SUB1: variants seen among roughly 807,000 people sequenced by gnomAD.
The protein encoded by SUB1 is activated RNA polymerase II transcriptional coactivator p15.
A neutral mutation model predicts 16.9 loss-of-function variants in SUB1; 1 was observed. That is an observed-to-expected ratio of 0.06 (90% CI 0.02 to 0.28). The LOEUF (loss-of-function observed/expected upper bound fraction) is 0.28. Ranked by LOEUF, SUB1 falls within the 10% of genes least tolerant of loss-of-function variation. The probability of loss-of-function intolerance (pLI) is 1.00; values close to 1 mark genes in which losing one functional copy is unlikely to be tolerated. For missense variants in SUB1, 84 were observed against 145.2 expected, an observed-to-expected ratio of 0.58 and a Z score of 2.16; for synonymous variants, 51 against 46.9, an observed-to-expected ratio of 1.09 and a Z score of -0.36.
intron 1 of SUB1, 73 bp from the exon 2 acceptor site, chr5:32,588,439 T>G (rs1738729628): frequency 7.4e-7 from 1 of 1,349,186 alleles, no homozygotes; most frequent in African/African-American, 1.5e-5. Context: ...TTTTTTTCTT[T>G]GATTGGGGGA....
chr5:32,599,171 G>T (rs1050340145), intron 4 of SUB1, 102 bp downstream of exon 4: 6 of 783,826 alleles, frequency 7.7e-6, no homozygotes, highest in East Asian at 5.4e-5. Flanking sequence ...GGGCAAGGAA[G>T]AGTCTTACTC....
rs565744325 is a variant in SUB1 at position 32,599,156 on chromosome 5, A to G, written c.304+87A>G. The G allele has an allele frequency of 7.5e-4, 683 of 907,186 alleles. 1 individual carries two copies. The highest frequency in any genetic ancestry group is 1.0e-3 in the Non-Finnish European group (579 of 567,410). The allele number at this position is 907,186 out of a possible 1,614,324, so 56.2% of individuals were successfully genotyped here. ...AGCTTACTTGAAATGTTGGCAGGAC[A>G]CACGGGGCAAGGAAGAGTCTTACTC... On this transcript the variant is annotated intron_variant, in intron 4 of 4. Coordinates refer to ENST00000265073, the MANE Select transcript of SUB1 (RefSeq NM_006713.4).
intron 1 of SUB1, among the ~76,000 whole-genome samples, chr5:32,587,130 C>G (rs953485949): frequency 6.6e-6 from 1 of 152,092 alleles, no homozygotes; most frequent in African/African-American, 2.4e-5. Flanking sequence ...GAACGCTAAG[C>G]ATGTGGGAGT....
Position 32,601,216 on chromosome 5 carries a change from A to G in SUB1, c.*132A>G, listed in dbSNP as rs1180737763. ...TTGCAGAAGAATTTGTAAGATGAAT[A>G]CTTTTTTTTAATGTGCATTATTAAA... On this transcript the variant is annotated 3_prime_UTR_variant, in exon 5 of 5. Transcript: ENST00000265073. 2.9e-6 allele frequency: 2 copies of G among 695,030 alleles called. No individual in the cohort carries two copies. Among genetic ancestry groups the G allele is most frequent in the Non-Finnish European group, 4.8e-6 (2 of 419,764 alleles). The allele number at this position is 695,030 out of a possible 1,614,324, so 43.1% of individuals were successfully genotyped here. A position where few individuals can be genotyped will look rare whatever the true frequency, so the allele number is the denominator to read the frequency against.
chr5:32,594,624 T>A (rs959199771), intron 3 of SUB1: 1 of 454,776 alleles, frequency 2.2e-6, no homozygotes, highest in Non-Finnish European at 4.4e-6. Context: ...AGGTGAGCGG[T>A]GTGTGAGTGA....
intron 2 of SUB1, among the ~76,000 whole-genome samples, chr5:32,591,060 C>T (rs536892725): frequency 7.2e-5 from 11 of 152,004 alleles, no homozygotes; most frequent in East Asian, 1.9e-4. Flanking sequence ...TGAGCTACCG[C>T]GCCCGGCCCA....
At chr5:32,586,142 C>T (rs920089490) in intron 1 of SUB1, 9 of 152,290 alleles carry the variant, frequency 5.9e-5, no homozygotes, top group Non-Finnish European at 1.3e-4. Flanking sequence ...AATCCCGCCC[C>T]TTCCCACGCC....
chr5:32,591,357 T>C (rs1738820491), intron 2 of SUB1: 2 of 581,840 alleles, frequency 3.4e-6, no homozygotes, highest in Non-Finnish European at 5.1e-6. Flanking sequence ...TTTGGGATCC[T>C]GAGAACAGAG....
In SUB1 at chr5:32,602,863, T is replaced by C. The variant is rs1027834433; in HGVS notation, c.*1779T>C. 1 of 152,118 alleles carries C rather than the reference T, an allele frequency of 6.6e-6. No homozygotes were observed. The highest frequency in any genetic ancestry group is 2.4e-5 in the African/African-American group (1 of 41,440). 9.4% of individuals were successfully genotyped at this position (152,118 alleles called of 1,614,324 possible). On this transcript the variant is annotated 3_prime_UTR_variant, in exon 5 of 5. Transcript: ENST00000265073. ...CATGCTTGATTGGTAACTTCCCTCC[T>C]TTTTTGGGGAACATGTTTGTGTCCT...
chr5:32,585,886 C>T (rs887276728), intron 1 of SUB1: 3 of 152,824 alleles, frequency 2.0e-5, no homozygotes, highest in Non-Finnish European at 4.4e-5. Context: ...CGGCCCGGGG[C>T]GGTAGATTGA....
chr5:32,598,124 C>T (rs370316124), intron 3 of SUB1: 1 of 151,608 alleles, frequency 6.6e-6, no homozygotes, highest in Non-Finnish European at 1.5e-5. Context: ...TGCTGTGTTG[C>T]CCAGATTGGA....
Position 32,602,645 on chromosome 5 carries a change from T to C in SUB1, c.*1561T>C, listed in dbSNP as rs1443798994. On this transcript the variant is annotated 3_prime_UTR_variant, in exon 5 of 5. Coordinates refer to ENST00000265073, the MANE Select transcript of SUB1 (RefSeq NM_006713.4). ...TTTTCTATCAGCTATTCTGTTGTAT[T>C]TCTAAAACATTTTTTAGATGACTTT... The C allele has an allele frequency of 6.3e-6, 1 of 158,444 alleles. No homozygotes were observed. Among genetic ancestry groups the C allele is most frequent in the Non-Finnish European group, 1.4e-5 (1 of 71,596 alleles). The allele number at this position is 158,444 out of a possible 1,614,324, so 9.8% of individuals were successfully genotyped here.
chr5:32,594,686 C>T (rs542293955), intron 3 of SUB1: 1 of 434,996 alleles, frequency 2.3e-6, no homozygotes, highest in Non-Finnish European at 4.6e-6. Flanking sequence ...GCATTAGATT[C>T]TCATAGGAGC....
In SUB1 at chr5:32,599,700, GT is replaced by G. The variant is rs760992493; in HGVS notation, c.304+644del. ...AGGTACCACTTGTTTGCTTCATGCAGTTTTTTTTTTTTTGGTTAAACTCAGC... is the reference window on the plus strand; with the variant it reads ...AGGTACCACTTGTTTGCTTCATGCAGTTTTTTTTTTTTGGTTAAACTCAGC... On this transcript the variant is annotated intron_variant, in intron 4 of 4. Transcript: ENST00000265073. Among the ~76,000 whole-genome samples, 665 of 142,954 alleles carry G rather than the reference GT, an allele frequency of 4.7e-3. 4 individuals are homozygous for G. The highest frequency in any genetic ancestry group is 0.014 in the African/African-American group (532 of 39,240). The allele number at this position is 142,954 out of a possible 152,430, so 93.8% of individuals were successfully genotyped here. A position where few individuals can be genotyped will look rare whatever the true frequency, so the allele number is the denominator to read the frequency against.
chr5:32,598,765 C>T, intron 3 of SUB1, 196 bp from the exon 4 acceptor site: 3 of 391,820 alleles, frequency 7.7e-6, no homozygotes, highest in Non-Finnish European at 1.4e-5. Context: ...AAAAATTTTT[C>T]CAGTATATTT....
chr5:32,593,327 C>G (rs548184400), intron 3 of SUB1, among the ~76,000 whole-genome samples: 1 of 152,034 alleles, frequency 6.6e-6, no homozygotes, highest in Admixed American at 6.5e-5. Context: ...ATTTATATGA[C>G]TAGAAAGTAA....
chr5:32,588,448 G>C lies in SUB1; in HGVS notation c.-1-64G>C, dbSNP rs548446506. The C allele has an allele frequency of 3.1e-5, 44 of 1,411,374 alleles. 1 individual carries two copies. The South Asian group carries it at 5.6e-4, about 18-fold the overall frequency. The allele number at this position is 1,411,374 out of a possible 1,614,324, so 87.4% of individuals were successfully genotyped here. On this transcript the variant is annotated intron_variant, in intron 1 of 4. Transcript: ENST00000265073. ...CCTTGATTTTTTTCTTTGATTGGGG[G>C]AGAGCTAAGTTGAAAGTAGTAGAGT...
At chr5:32,592,792 A>T (rs1302171862) in intron 3 of SUB1, among the ~76,000 whole-genome samples, 1 of 152,128 alleles carries the variant, frequency 6.6e-6, no homozygotes, top group Non-Finnish European at 1.5e-5. Flanking sequence ...AGCATGGTTG[A>T]CTAAAGCTGC....
chr5:32,588,465 T>C, intron 1 of SUB1, 47 bp from the exon 2 acceptor site: 1 of 1,532,236 alleles, frequency 6.5e-7, no homozygotes, highest in Non-Finnish European at 8.9e-7. Flanking sequence ...AAGTTGAAAG[T>C]AGTAGAGTAC....
Sources: gnomAD v4.1 joint callset for allele counts (sites outside exome capture counted in the v4.1 genomes callset) on GRCh38, gnomAD v4.1.1 for gene constraint, MANE v1.5 for transcripts, NCBI Gene and HGNC (gene_info 2026-07-23, HGNC 2026-07-21) for gene names.